Variants in PRUNE2 observed in about 807,000 individuals in gnomAD.
The protein encoded by PRUNE2 is protein prune homolog 2.
Under a neutral mutation model 252.0 loss-of-function variants are expected in PRUNE2, and 164 were observed. That is an observed-to-expected ratio of 0.65 (90% CI 0.57 to 0.74). The LOEUF (loss-of-function observed/expected upper bound fraction) is 0.74, where lower values mean the gene tolerates loss of function less well. PRUNE2 is among the 30% of genes least tolerant of loss of function. PRUNE2 has a pLI of 0.00. For synonymous variants in PRUNE2, 1,292 were observed against 1,350.2 expected, an observed-to-expected ratio of 0.96 and a Z score of 0.94; for missense variants, 3,495 against 3,711.0, an observed-to-expected ratio of 0.94 and a Z score of 1.51.
In PRUNE2 at chr9:76,707,583, G is replaced by C. The variant is rs748061229; in HGVS notation, c.4691C>G (p.Pro1564Arg). The change falls in exon 8 of 19, where the codon CCC (proline) becomes CGC (arginine). Residue 1564 changes from proline to arginine, a missense_variant. Pro to Arg is a moderately radical substitution (Grantham distance 103). Transcript: ENST00000376718. ...SVALSSWGQQ[P>R]SSGYQEENQG... ...GTTTTCTTCTTGATACCCAGAACTG[G>C]GTTGCTGGCCCCAGGAGGACAGTGC... is the stretch of plus-strand genomic sequence containing the variant. 4.6e-5 allele frequency: 75 copies of C among 1,613,716 alleles called. No homozygotes were observed. The highest frequency in any genetic ancestry group is 6.1e-5 in the Non-Finnish European group (72 of 1,179,902).
At chr9:76,671,954 A>C (rs1022112705) in intron 9 of PRUNE2, among the ~76,000 whole-genome samples, 6 of 152,160 alleles carry the variant, frequency 3.9e-5, no homozygotes, top group African/African-American at 1.4e-4. Context: ...AATCATGCCA[A>C]AATGTAAAGA....
At chr9:76,660,781 C>CAAAAAAAAAAAAAAAAAAAAA (rs11432174) in intron 9 of PRUNE2, among the ~76,000 whole-genome samples, 2 of 101,046 alleles carry the variant, frequency 2.0e-5, no homozygotes, top group African/African-American at 4.0e-5. Context: ...GACTCTGAAT[C>CAAAAAAAAAAAAAAAAAAAAA]AAAAAAAAAA....
rs571994364 is a variant in PRUNE2, at chr9:76,798,111, T to A, written c.756+25521A>T. Among the ~76,000 whole-genome samples the A allele has an allele frequency of 4.7e-4, 70 of 150,094 alleles. 1 individual carries two copies. The highest frequency in any genetic ancestry group is 1.6e-3 in the African/African-American group (65 of 40,496). On this transcript the variant is annotated intron_variant, in intron 6 of 18. Coordinates refer to ENST00000376718, the MANE Select transcript of PRUNE2 (RefSeq NM_015225.3). Reference sequence around the variant, plus strand: ...GTTTCAATATAACAACCCTATTTTTTAAATTTCTTATTCTTAATTGTAGTT... The same window carrying A: ...GTTTCAATATAACAACCCTATTTTTAAAATTTCTTATTCTTAATTGTAGTT...
At chr9:76,857,044 G>A (rs766835442) in intron 1 of PRUNE2, 11 of 455,568 alleles carry the variant, frequency 2.4e-5, no homozygotes, top group South Asian at 3.1e-5. Flanking sequence ...GTGAGCCACC[G>A]CGCCTGGCCA....
At chr9:76,893,168 CT>C (rs1347292096) in intron 1 of PRUNE2, among the ~76,000 whole-genome samples, 1 of 152,182 alleles carries the variant, frequency 6.6e-6, no homozygotes, top group Non-Finnish European at 1.5e-5. Flanking sequence ...TCGCTTGAGC[CT>C]ACAAGTTCAA....
In PRUNE2 at chr9:76,673,217, G is replaced by C. The variant is rs1355834228; in HGVS notation, c.8277-17715C>G. ...ATAGACACAATAAAAAATGATAAAG[G>C]GGATATCACCACCGATCCCACAGAA... On this transcript the variant is annotated intron_variant, in intron 9 of 18. Transcript: ENST00000376718. 2.6e-5 allele frequency among the ~76,000 whole-genome samples: 4 copies of C among 151,488 alleles called. No individual in the cohort carries two copies. The South Asian group carries it at 8.4e-4, about 32-fold the overall frequency.
chr9:76,622,207 G>A (rs892251070), intron 17 of PRUNE2, among the ~76,000 whole-genome samples: 1 of 152,156 alleles, frequency 6.6e-6, no homozygotes, highest in East Asian at 1.9e-4. Context: ...CACGAGCATA[G>A]TGCTTCCTTT....
intron 9 of PRUNE2, 100 bp from the exon 10 acceptor site, chr9:76,655,602 C>T (rs1848880140): frequency 1.2e-6 from 1 of 865,494 alleles, no homozygotes; most frequent in African/African-American, 1.7e-5. Flanking sequence ...ATTTTCAACT[C>T]ACTTAAAATA....
rs2131740394 is a variant in PRUNE2, at chr9:76,612,539, TG to T, written c.*2030del. On this transcript the variant is annotated 3_prime_UTR_variant, in exon 19 of 19. Transcript: ENST00000376718. The stretch of plus-strand genomic sequence containing the variant: ...CTGTATTTACGTCAACACTGTGTTC[TG>T]GGAGAGGTGTAATTTGGGCTTTCAA... 6.6e-6 allele frequency: 1 copy of T among 152,050 alleles called. No individual in the cohort carries two copies. The highest frequency in any genetic ancestry group is 2.4e-5 in the African/African-American group (1 of 41,426). 9.4% of individuals were successfully genotyped at this position (152,050 alleles called of 1,614,324 possible).
chr9:76,684,487 G>A (rs34356194), intron 9 of PRUNE2, among the ~76,000 whole-genome samples: 1,827 of 152,262 alleles, frequency 0.012, 41 homozygotes, highest in African/African-American at 0.041. Context: ...CTTTCCCAAT[G>A]GTTGGGGTCT....
chr9:76,835,283 G>A (rs1284301503), intron 4 of PRUNE2, among the ~76,000 whole-genome samples: 1 of 151,928 alleles, frequency 6.6e-6, no homozygotes, highest in South Asian at 2.1e-4. Context: ...TAACAGAAAA[G>A]AAGGGTCTTA....
chr9:76,756,048 T>C (rs888892632), intron 6 of PRUNE2, among the ~76,000 whole-genome samples: 15 of 152,146 alleles, frequency 9.9e-5, no homozygotes, highest in African/African-American at 3.6e-4. Context: ...AATTTCCTGG[T>C]GGTCCTTCCC....
intron 6 of PRUNE2, among the ~76,000 whole-genome samples, chr9:76,762,239 T>A (rs1302750236): frequency 3.3e-5 from 5 of 152,246 alleles, no homozygotes; most frequent in Non-Finnish European, 7.3e-5. Flanking sequence ...TGTGCTGCAT[T>A]TGACTCCTGT....
At chr9:76,871,753 T>C (rs1402031378) in intron 1 of PRUNE2, among the ~76,000 whole-genome samples, 1 of 152,104 alleles carries the variant, frequency 6.6e-6, no homozygotes, top group African/African-American at 2.4e-5. Flanking sequence ...CTCAGCCTCC[T>C]GAGTAGCTGG....
At position 76,615,104 on chromosome 9, in the gene PRUNE2, A is replaced by C. The variant is rs543615803; in HGVS notation, c.9237-504T>G. On this transcript the variant is annotated intron_variant, in intron 18 of 18. Transcript: ENST00000376718. ...TGAAAGGGGTTAGCCTACCTTACTG[A>C]GATGGATGTTTATAACTAAAGAAAA... 27 of 986,264 alleles carry C rather than the reference A, an allele frequency of 2.7e-5. No individual in the cohort carries two copies. The South Asian group carries it at 1.2e-3, about 44-fold the overall frequency. 61.1% of individuals were successfully genotyped at this position (986,264 alleles called of 1,614,324 possible).
intron 6 of PRUNE2, among the ~76,000 whole-genome samples, chr9:76,777,404 T>C (rs551941869): frequency 1.1e-4 from 16 of 152,322 alleles, no homozygotes; most frequent in African/African-American, 3.8e-4. Flanking sequence ...ATGCCCACCA[T>C]GCTCTGTAAA....
chr9:76,846,679 CT>C lies in PRUNE2; in HGVS notation c.345-2del, dbSNP rs756923978. Reference sequence around the variant, plus strand: ...TGCTGATTCTAAAGTTTTGTCTTCACTGTAAAGCAAATGGAGGGGAGGAAGA... The same window carrying C: ...TGCTGATTCTAAAGTTTTGTCTTCACGTAAAGCAAATGGAGGGGAGGAAGA... On this transcript the variant is annotated splice_acceptor_variant, in intron 3 of 18. Transcript: ENST00000376718. LOFTEE classifies it high-confidence loss of function. 4.0e-5 allele frequency: 64 copies of C among 1,612,176 alleles called. No homozygotes were observed. Among genetic ancestry groups the C allele is most frequent in the Non-Finnish European group, 5.1e-5 (60 of 1,178,470 alleles).
intron 6 of PRUNE2, among the ~76,000 whole-genome samples, chr9:76,743,432 T>C (rs2049827482): frequency 6.6e-6 from 1 of 152,212 alleles, no homozygotes; most frequent in African/African-American, 2.4e-5. Flanking sequence ...GCATTGTTCA[T>C]GGTAGCAAAA....
At chr9:76,865,824 C>CAA (rs2060806158) in intron 1 of PRUNE2, among the ~76,000 whole-genome samples, 1 of 151,184 alleles carries the variant, frequency 6.6e-6, no homozygotes, top group Non-Finnish European at 1.5e-5. Flanking sequence ...CACACACACA[C>CAA]ACACACACAC....
Sources: allele counts gnomAD v4.1 joint callset (sites outside exome capture counted in the v4.1 genomes callset), GRCh38; gene constraint gnomAD v4.1.1; transcripts MANE v1.5; gene names NCBI Gene and HGNC (gene_info 2026-07-23, HGNC 2026-07-21).